NOL7: variants seen among roughly 807,000 people sequenced by gnomAD.
NOL7 encodes nucleolar protein 7, also known as U3 small nucleolar RNA-associated protein NOL7.
Under a neutral mutation model 38.4 loss-of-function variants are expected in NOL7, and 36 were observed. That is an observed-to-expected ratio of 0.94 (90% CI 0.72 to 1.24). The LOEUF is 1.24. Among genes scored for constraint, NOL7 ranks in the 50% most tolerant of loss-of-function variants. The pLI is 0.00. For missense variants in NOL7, 350 were observed against 315.1 expected (o/e 1.11, Z -0.84); for synonymous variants, 142 against 126.5 (o/e 1.12, Z -0.82).
At chr6:13,626,019 GA>G (rs538890234), downstream of NOL7, among the ~76,000 whole-genome samples, 2 of 151,354 alleles carry the variant, frequency 1.3e-5, no homozygotes, top group South Asian at 2.1e-4. Flanking sequence ...CACAAAACAG[GA>G]AAAAAAAATT....
At position 13,629,919 on chromosome 6, in the gene NOL7, C is replaced by CGTGTG. The variant is rs1321431147; in HGVS notation, n.574-2474_574-2473insGTGTG. ...TGTCTCTCTCTCTCTCTCTCTCTCT[C>CGTGTG]TCGTGTGTGTGTGTGTGTGTGTGTA... On this transcript the variant is annotated intron_variant and non_coding_transcript_variant, in intron 8 of 8. Transcript: ENST00000474485. 5.7e-3 allele frequency among the ~76,000 whole-genome samples: 747 copies of CGTGTG among 130,022 alleles called. 8 individuals carry two copies. The highest frequency in any genetic ancestry group is 0.021 in the African/African-American group (708 of 33,600). The allele number at this position is 130,022 out of a possible 152,430, so 85.3% of individuals were successfully genotyped here. A position where few individuals can be genotyped will look rare whatever the true frequency, so the allele number is the denominator to read the frequency against.
intron 8 of NOL7, among the ~76,000 whole-genome samples, chr6:13,631,959 GAAC>G (rs966904146): frequency 5.3e-5 from 8 of 152,008 alleles, no homozygotes; most frequent in African/African-American, 7.2e-5. Flanking sequence ...CTATAAACCT[GAAC>G]AACATTTACT....
At chr6:13,625,207 C>G (rs2127758065), downstream of NOL7, among the ~76,000 whole-genome samples, 1 of 152,312 alleles carries the variant, frequency 6.6e-6, no homozygotes, top group Middle Eastern at 3.4e-3. Context: ...TTCTCCGATT[C>G]CTTCTACAGC....
rs769092619 is a variant in NOL7, at chr6:13,620,793, G to A, written c.740G>A (p.Arg247Gln). 2.4e-5 allele frequency: 38 copies of A among 1,602,964 alleles called. No homozygotes were observed. The highest frequency in any genetic ancestry group is 2.4e-4 in the South Asian group (21 of 88,856). The change falls in exon 8 of 8, where the codon CGG (arginine) becomes CAG (glutamine). Residue 247 changes from arginine (R) to glutamine (Q), a missense_variant. Arg to Gln is a conservative substitution (Grantham distance 43). Coordinates refer to ENST00000451315, the MANE Select transcript of NOL7 (RefSeq NM_016167.5). ...CAAAATGCCAAGAGGTTTAAAAGAC[G>A]GTGGATGGTCAGAAAGATGAAAACT... ...KKQNAKRFKR[R>Q]WMVRKMKTKK
intron 8 of NOL7, among the ~76,000 whole-genome samples, chr6:13,631,419 G>A (rs1764778235): frequency 6.6e-6 from 1 of 152,166 alleles, no homozygotes; most frequent in Non-Finnish European, 1.5e-5. Flanking sequence ...TACTAATTGA[G>A]CATCTCTCAT....
At chr6:13,617,736 C>T in intron 3 of NOL7, 34 bp from the exon 4 acceptor site, 1 of 1,605,190 alleles carries the variant, frequency 6.2e-7, no homozygotes, top group African/African-American at 1.3e-5. Flanking sequence ...TCTTTACTGC[C>T]ATTGCAGTCA....
downstream of NOL7, among the ~76,000 whole-genome samples, chr6:13,623,208 T>C (rs1764504260): frequency 6.6e-6 from 1 of 152,194 alleles, no homozygotes. Flanking sequence ...AATGAACTAA[T>C]GGTAAAAGTG....
Position 13,615,390 on chromosome 6 carries a change from C to G in NOL7, c.32C>G (p.Ala11Gly). Reference sequence around the variant, plus strand: ...CAGCTCCGACCGCGAGCGTCTCGCGCCCCGGCGTCGGCGGAGGCGATGGTG... The same window carrying G: ...CAGCTCCGACCGCGAGCGTCTCGCGGCCCGGCGTCGGCGGAGGCGATGGTG... Reference protein sequence around the residue: MVQLRPRASRAPASAEAMVDE... With the variant: MVQLRPRASRGPASAEAMVDE... Residue 11 changes from alanine (A) to glycine (G), a missense_variant, in exon 1 of 8, where the codon GCC becomes GGC. Ala to Gly is a moderately conservative substitution (Grantham distance 60, BLOSUM62 0). Transcript: ENST00000451315. 1 of 1,526,254 alleles carries G rather than the reference C, an allele frequency of 6.6e-7. No individual in the cohort carries two copies. Among genetic ancestry groups the G allele is most frequent in the Non-Finnish European group, 8.8e-7 (1 of 1,138,126 alleles). 94.5% of individuals were successfully genotyped at this position (1,526,254 alleles called of 1,614,324 possible).
downstream of NOL7, chr6:13,622,246 C>G: frequency 8.8e-7 from 1 of 1,136,460 alleles, no homozygotes; most frequent in Non-Finnish European, 1.1e-6. Context: ...TGTAAAGCGA[C>G]AAAAACCTGT....
Position 13,618,048 on chromosome 6 carries a change from T to C in NOL7, c.419-10T>C. On this transcript the variant is annotated splice_polypyrimidine_tract_variant and intron_variant, in intron 4 of 7. Coordinates refer to ENST00000451315, the MANE Select transcript of NOL7 (RefSeq NM_016167.5). The stretch of plus-strand genomic sequence containing the variant: ...GAATGCTAATTAGAAAATGTAACTC[T>C]ATTTTTTAGTTAATTTGCAAAAGAA... The C allele has an allele frequency of 7.1e-7, 1 of 1,406,060 alleles. No individual in the cohort carries two copies. The highest frequency in any genetic ancestry group is 1.0e-6 in the Non-Finnish European group (1 of 1,001,760). 87.1% of individuals were successfully genotyped at this position (1,406,060 alleles called of 1,614,324 possible).
At chr6:13,623,085 A>T (rs1370601668), downstream of NOL7, among the ~76,000 whole-genome samples, 1 of 152,176 alleles carries the variant, frequency 6.6e-6, no homozygotes, top group Non-Finnish European at 1.5e-5. Flanking sequence ...TCAGACATTT[A>T]AAAAAATGCC....
downstream of NOL7, chr6:13,625,641 G>A: frequency 6.4e-7 from 1 of 1,555,694 alleles, no homozygotes; most frequent in Non-Finnish European, 8.9e-7. Flanking sequence ...TGCCTTATTT[G>A]GCTTTACTTA....
chr6:13,629,996 C>A (rs1313997954), intron 8 of NOL7, among the ~76,000 whole-genome samples: 1 of 151,196 alleles, frequency 6.6e-6, no homozygotes, highest in Non-Finnish European at 1.5e-5. Context: ...AACCTAAAAA[C>A]GATGCTACAA....
chr6:13,625,166 T>C (rs1392004240), downstream of NOL7, among the ~76,000 whole-genome samples: 2 of 152,242 alleles, frequency 1.3e-5, no homozygotes, highest in African/African-American at 4.8e-5. Context: ...AGCCTAACTC[T>C]TGTGACAATT....
chr6:13,627,421 G>A (rs1481742501), intron 8 of NOL7, among the ~76,000 whole-genome samples: 1 of 152,022 alleles, frequency 6.6e-6, no homozygotes, highest in Admixed American at 6.5e-5. Flanking sequence ...TTTGAGGCCA[G>A]GAGTTCAAGA....
chr6:13,630,235 G>T (rs1377137332), intron 8 of NOL7, among the ~76,000 whole-genome samples: 3 of 152,032 alleles, frequency 2.0e-5, no homozygotes, highest in Non-Finnish European at 4.4e-5. Context: ...AAAGTAGCTG[G>T]CATTTGCTTA....
downstream of NOL7, among the ~76,000 whole-genome samples, chr6:13,622,954 C>G (rs1044129551): frequency 6.6e-6 from 1 of 152,148 alleles, no homozygotes; most frequent in African/African-American, 2.4e-5. Context: ...CTAGCCATCT[C>G]CAAGGCATAT....
At position 13,615,420 on chromosome 6, in the gene NOL7, A is replaced by AGGGCCAGCT. The variant is rs1038019419; in HGVS notation, c.65_73dup (p.Gly22_Leu24dup). The AGGGCCAGCT allele has an allele frequency of 2.6e-5, 40 of 1,545,960 alleles. No individual in the cohort carries two copies. The highest frequency in any genetic ancestry group is 1.8e-4 in the South Asian group (15 of 83,766). On this transcript the variant is annotated inframe_insertion, in exon 1 of 8. Coordinates refer to ENST00000451315, the MANE Select transcript of NOL7 (RefSeq NM_016167.5). ...GCGTCGGCGGAGGCGATGGTGGACG[A>AGGGCCAGCT]GGGCCAGCTGGCCTCGGAGGAGGAG...
At chr6:13,629,278 G>A (rs1180311626) in intron 8 of NOL7, among the ~76,000 whole-genome samples, 2 of 152,032 alleles carry the variant, frequency 1.3e-5, no homozygotes, top group South Asian at 2.1e-4. Flanking sequence ...ACCCAGCCTC[G>A]TGTAGTTATT....
Sources: gnomAD v4.1 joint callset for allele counts (sites outside exome capture counted in the v4.1 genomes callset) on GRCh38, gnomAD v4.1.1 for gene constraint, MANE v1.5 for transcripts, NCBI Gene and HGNC (gene_info 2026-07-23, HGNC 2026-07-21) for gene names.